PTPN23: variants seen among roughly 807,000 people sequenced by gnomAD.
The protein encoded by PTPN23 is protein tyrosine phosphatase non-receptor type 23.
In PTPN23, 72 loss-of-function variants were observed where a neutral mutation model predicts 156.3. The ratio of observed to expected loss-of-function variants is 0.46; its 90% CI spans 0.38 to 0.56. The LOEUF is 0.56. Among genes scored for constraint, PTPN23 ranks in the 20% least tolerant of loss-of-function variants. PTPN23 has a pLI of 0.00. For missense variants in PTPN23, 1,974 were observed against 2,171.5 expected (o/e 0.91, Z 1.81); for synonymous variants, 957 against 899.6 (o/e 1.06, Z -1.14).
chr3:47,387,416 A>AAG (rs1484647871), intron 1 of PTPN23, among the ~76,000 whole-genome samples: 1 of 150,930 alleles, frequency 6.6e-6, no homozygotes, highest in African/African-American at 2.4e-5. Context: ...AAAAAAAAAA[A>AAG]AAAAAAGAAA....
intron 2 of PTPN23, 60 bp from the exon 3 acceptor site, chr3:47,404,592 G>A: frequency 1.3e-6 from 2 of 1,595,162 alleles, no homozygotes; most frequent in Non-Finnish European, 1.7e-6. Context: ...TGAGTTAGCT[G>A]GCCTGCGTGT....
rs1206600862 is a variant in PTPN23, at chr3:47,381,030, C to T, written c.-67C>T. 2 of 1,548,312 alleles carry T rather than the reference C, an allele frequency of 1.3e-6. No homozygotes were observed. Among genetic ancestry groups the T allele is most frequent in the African/African-American group, 2.7e-5 (2 of 73,128 alleles). On this transcript the variant is annotated 5_prime_UTR_variant, in exon 1 of 25. Transcript: ENST00000265562. Reference sequence around the variant, plus strand: ...TCCGGCACGAAGGGGCGGGGCTGGGCTCGTGGCTGAGCCAGCAGCTGCAGC... The same window carrying T: ...TCCGGCACGAAGGGGCGGGGCTGGGTTCGTGGCTGAGCCAGCAGCTGCAGC...
chr3:47,407,638 C>T lies in PTPN23; in HGVS notation c.1003+54C>T, dbSNP rs1705160928. 4.4e-6 allele frequency: 7 copies of T among 1,605,554 alleles called. No individual in the cohort carries two copies. Among genetic ancestry groups the T allele is most frequent in the Admixed American group, 1.7e-5 (1 of 59,972 alleles). On this transcript the variant is annotated intron_variant, in intron 12 of 24. Transcript: ENST00000265562. The surrounding 1 kb of genome is among the most constrained non-coding windows in gnomAD (Gnocchi z 4.0). ...GTGACGGTGGGGTGGGGACAGGACA[C>T]AGGAGGCTGCCTCAAGGACTCTGCG...
rs982700368 is a variant in PTPN23, at chr3:47,411,215, C to T, written c.3417C>T (p.Pro1139=). 1 of 1,605,118 alleles carries T rather than the reference C, an allele frequency of 6.2e-7. No individual in the cohort carries two copies. Among genetic ancestry groups the T allele is most frequent in the Admixed American group, 1.7e-5 (1 of 59,578 alleles). ...GGTQSPGGGQ[P]LLQPTKVDAA... Reference sequence around the variant, plus strand: ...CTCAGTCTCCTGGGGGTGGGCAGCCCCTGCTGCAGCCCACCAAGGTGGATG... The same window carrying T: ...CTCAGTCTCCTGGGGGTGGGCAGCCTCTGCTGCAGCCCACCAAGGTGGATG... The change falls in exon 20 of 25, where the codon CCC becomes CCT. Residue 1139 remains proline, a synonymous_variant. Transcript: ENST00000265562. This position sits in a 1 kb window ranked among gnomAD's most constrained non-coding sequence, Gnocchi z 6.3.
chr3:47,382,479 G>T (rs1349145241), intron 1 of PTPN23, among the ~76,000 whole-genome samples: 1 of 149,488 alleles, frequency 6.7e-6, no homozygotes, highest in Non-Finnish European at 1.5e-5. Context: ...GCGCCACCAT[G>T]CCCGGCTAAT....
At chr3:47,397,723 G>A (rs562993417) in intron 2 of PTPN23, among the ~76,000 whole-genome samples, 1 of 152,118 alleles carries the variant, frequency 6.6e-6, no homozygotes, top group Non-Finnish European at 1.5e-5. Context: ...AGGCTGGAGT[G>A]CAATGGCGCG....
At chr3:47,386,656 T>C (rs1704660164) in intron 1 of PTPN23, among the ~76,000 whole-genome samples, 1 of 152,190 alleles carries the variant, frequency 6.6e-6, no homozygotes, top group African/African-American at 2.4e-5. Context: ...ATAAGAGGAC[T>C]AGAGGCCTAA....
At chr3:47,403,398 T>C (rs1705046130) in intron 2 of PTPN23, among the ~76,000 whole-genome samples, 1 of 152,138 alleles carries the variant, frequency 6.6e-6, no homozygotes, top group African/African-American at 2.4e-5. Context: ...CATAGGCATC[T>C]TAACATATGA....
intron 1 of PTPN23, among the ~76,000 whole-genome samples, chr3:47,383,513 C>T (rs750084056): frequency 3.3e-5 from 5 of 152,218 alleles, no homozygotes; most frequent in South Asian, 2.1e-4. Flanking sequence ...AGAAGCATCT[C>T]TGTGTTCCCC....
At chr3:47,396,246 A>G in intron 2 of PTPN23, 29 bp downstream of exon 2, 1 of 1,565,320 alleles carries the variant, frequency 6.4e-7, no homozygotes. Flanking sequence ...CTTTTTATGC[A>G]TGGGTAGACA....
chr3:47,404,944 C>CCTAA (rs1705087433), intron 3 of PTPN23, 61 bp from the exon 4 acceptor site: 1 of 1,604,722 alleles, frequency 6.2e-7, no homozygotes, highest in Non-Finnish European at 8.5e-7. Flanking sequence ...AGTCCCCTTA[C>CCTAA]CTAATCTCAG....
At chr3:47,402,551 A>T (rs1454618291) in intron 2 of PTPN23, among the ~76,000 whole-genome samples, 1 of 152,210 alleles carries the variant, frequency 6.6e-6, no homozygotes, top group Non-Finnish European at 1.5e-5. Context: ...AAGTGTTGGG[A>T]TTATAGGCGT....
rs1482694251 is a variant in PTPN23, at chr3:47,410,171, G to GC, written c.2378dup (p.Gly794TrpfsTer93). On this transcript the variant is annotated frameshift_variant, in exon 20 of 25. Coordinates refer to ENST00000265562, the MANE Select transcript of PTPN23 (RefSeq NM_015466.4). LOFTEE classifies it high-confidence loss of function. Reference sequence around the variant, plus strand: ...GACCCCACTATCTCTCAGGCCCCTTGCCCCCTGGTACCTACTCGGGCCCCA... The same window carrying GC: ...GACCCCACTATCTCTCAGGCCCCTTGCCCCCCTGGTACCTACTCGGGCCCCA... 2.5e-6 allele frequency: 4 copies of GC among 1,594,478 alleles called. No individual in the cohort carries two copies. In the Admixed American group the frequency reaches 6.9e-5, roughly 28 times the overall value.
At chr3:47,390,103 A>G (rs1704740886) in intron 1 of PTPN23, among the ~76,000 whole-genome samples, 2 of 151,238 alleles carry the variant, frequency 1.3e-5, no homozygotes, top group African/African-American at 4.8e-5. Flanking sequence ...ATAGCTGGGC[A>G]TGGTGGCACA....
intron 1 of PTPN23, 47 bp from the exon 2 acceptor site, chr3:47,396,096 G>T: frequency 6.6e-7 from 1 of 1,522,690 alleles, no homozygotes; most frequent in South Asian, 1.1e-5. Flanking sequence ...CAGAGGGCAA[G>T]GCGGGGGTCT....
At chr3:47,385,912 C>A (rs1457182017) in intron 1 of PTPN23, among the ~76,000 whole-genome samples, 1 of 152,204 alleles carries the variant, frequency 6.6e-6, no homozygotes, top group African/African-American at 2.4e-5. Context: ...TCTAACTTCA[C>A]TCCCCAGTCC....
Position 47,411,340 on chromosome 3 carries a change from T to C in PTPN23, c.3542T>C (p.Phe1181Ser). The change falls in exon 20 of 25, where the codon TTT (phenylalanine) becomes TCT (serine). Residue 1181 changes from phenylalanine to serine, a missense_variant. Phe to Ser is a radical substitution (Grantham distance 155). Coordinates refer to ENST00000265562, the MANE Select transcript of PTPN23 (RefSeq NM_015466.4). This position sits in a 1 kb window ranked among gnomAD's most constrained non-coding sequence, Gnocchi z 6.3. ...CAGTTGCAGCAGGAGCTGGAGGCCTTTCGGGGTCAGCTGGGGGATGTGGGA... is the reference window on the plus strand; with the variant it reads ...CAGTTGCAGCAGGAGCTGGAGGCCTCTCGGGGTCAGCTGGGGGATGTGGGA... ...LRQLQQELEA[F>S]RGQLGDVGAL... is the part of the protein sequence containing the mutation. 6.2e-7 allele frequency: 1 copy of C among 1,612,844 alleles called. No homozygotes were observed. Among genetic ancestry groups the C allele is most frequent in the Non-Finnish European group, 8.5e-7 (1 of 1,179,988 alleles).
chr3:47,387,418 A>AAG (rs1553638136), intron 1 of PTPN23, among the ~76,000 whole-genome samples: 1 of 150,980 alleles, frequency 6.6e-6, no homozygotes, highest in Admixed American at 6.6e-5. Flanking sequence ...AAAAAAAAAA[A>AAG]AAAAGAAAGG....
At chr3:47,387,403 C>CAAA (rs34969941) in intron 1 of PTPN23, among the ~76,000 whole-genome samples, 19 of 107,832 alleles carry the variant, frequency 1.8e-4, no homozygotes, top group African/African-American at 2.6e-4. Flanking sequence ...CCTGTCTCTA[C>CAAA]AAAAAAAAAA....
Sources: allele counts gnomAD v4.1 joint callset (sites outside exome capture counted in the v4.1 genomes callset), GRCh38; gene constraint gnomAD v4.1.1; non-coding constraint Gnocchi (gnomAD v3.1); transcripts MANE v1.5; gene names NCBI Gene and HGNC (gene_info 2026-07-23, HGNC 2026-07-21).